RANBP2: variants seen among roughly 807,000 people sequenced by gnomAD.
RANBP2 encodes E3 SUMO-protein ligase RanBP2.
Under a neutral mutation model 303.6 loss-of-function variants are expected in RANBP2, and 57 were observed. That is an observed-to-expected ratio of 0.19 (90% CI 0.15 to 0.23). The LOEUF (loss-of-function observed/expected upper bound fraction) is 0.23. Ranked by LOEUF, RANBP2 falls within the 10% of genes least tolerant of loss-of-function variation. The probability of loss-of-function intolerance (pLI) is 1.00; values close to 1 mark genes in which losing one functional copy is unlikely to be tolerated. For missense variants in RANBP2, 3,138 were observed against 3,780.8 expected (o/e 0.83, Z 4.46); for synonymous variants, 1,167 against 1,301.5 (o/e 0.90, Z 2.23).
chr2:108,805,503 AT>A, the RANBP2 span, among the ~76,000 whole-genome samples: 1 of 151,960 alleles, frequency 6.6e-6, no homozygotes, highest in South Asian at 2.1e-4. Context: ...AGGTGGGCGG[AT>A]CACGAGGTCA....
At chr2:108,917,215 G>T in the RANBP2 span, among the ~76,000 whole-genome samples, 1 of 152,180 alleles carries the variant, frequency 6.6e-6, no homozygotes, top group African/African-American at 2.4e-5. Context: ...TAAAAGCAAC[G>T]CGCGGCTCGT....
At chr2:109,676,377 G>A in the RANBP2 span, among the ~76,000 whole-genome samples, 1 of 152,224 alleles carries the variant, frequency 6.6e-6, no homozygotes, top group African/African-American at 2.4e-5. Flanking sequence ...TTTGCAGAGT[G>A]CCCTGTAATT....
the RANBP2 span, among the ~76,000 whole-genome samples, chr2:109,427,574 C>T: frequency 2.0e-5 from 3 of 152,194 alleles, no homozygotes; most frequent in Non-Finnish European, 2.9e-5. Flanking sequence ...ACCACTGGCC[C>T]AGGTTCACAC....
chr2:109,484,330 G>T, the RANBP2 span, among the ~76,000 whole-genome samples: 1 of 152,238 alleles, frequency 6.6e-6, no homozygotes, highest in South Asian at 2.1e-4. Flanking sequence ...GCCTCCCAAA[G>T]TGCTGGGATT....
the RANBP2 span, among the ~76,000 whole-genome samples, chr2:109,725,158 T>A: frequency 6.6e-6 from 1 of 151,886 alleles, no homozygotes; most frequent in Admixed American, 6.6e-5. Flanking sequence ...TCAGAACACA[T>A]CCCAGGTGGG....
At chr2:109,214,830 CTG>C in the RANBP2 span, among the ~76,000 whole-genome samples, 5 of 152,182 alleles carry the variant, frequency 3.3e-5, no homozygotes, top group Non-Finnish European at 7.3e-5. Flanking sequence ...ATATTGGAGA[CTG>C]AGTTCCAAGG....
chr2:109,498,412 G>C, the RANBP2 span, among the ~76,000 whole-genome samples: 1 of 152,160 alleles, frequency 6.6e-6, no homozygotes, highest in African/African-American at 2.4e-5. Context: ...GTGCCCAGGG[G>C]CTGTGCACTC....
the RANBP2 span, among the ~76,000 whole-genome samples, chr2:109,014,632 G>T: frequency 6.6e-6 from 1 of 152,178 alleles, no homozygotes; most frequent in African/African-American, 2.4e-5. Context: ...TTCTGACCAG[G>T]TTTTCCCATG....
At chr2:109,613,134 A>G in the RANBP2 span, 28 of 1,279,096 alleles carry the variant, frequency 2.2e-5, no homozygotes, top group African/African-American at 3.2e-4. Context: ...GGAAAACTCG[A>G]TGTACACGAC....
the RANBP2 span, among the ~76,000 whole-genome samples, chr2:109,686,459 C>T: frequency 2.2e-4 from 33 of 152,084 alleles, no homozygotes; most frequent in Non-Finnish European, 3.4e-4. Flanking sequence ...GGATTACAGG[C>T]GCCCGCCACC....
At chr2:109,343,436 C>G in the RANBP2 span, among the ~76,000 whole-genome samples, 1 of 152,000 alleles carries the variant, frequency 6.6e-6, no homozygotes, top group South Asian at 2.1e-4. Context: ...TGGTTTTGCT[C>G]TGTCCAATCT....
intron 6 of RANBP2, among the ~76,000 whole-genome samples, chr2:108,739,832 A>G (rs826567): frequency 0.26 from 39,708 of 152,014 alleles, 5,584 homozygotes; most frequent in African/African-American, 0.36. Context: ...AGAAATATAA[A>G]AAAAGTTTAG....
At chr2:109,298,636 C>T in the RANBP2 span, among the ~76,000 whole-genome samples, 5 of 152,094 alleles carry the variant, frequency 3.3e-5, no homozygotes, top group Admixed American at 1.3e-4. Context: ...AAATGCTCCT[C>T]GGAGCACACC....
the RANBP2 span, among the ~76,000 whole-genome samples, chr2:109,514,671 G>A: frequency 6.6e-6 from 1 of 152,216 alleles, no homozygotes; most frequent in African/African-American, 2.4e-5. Flanking sequence ...TGTGGCTACA[G>A]CCTGGACTGG....
At chr2:109,288,818 A>G in the RANBP2 span, among the ~76,000 whole-genome samples, 1 of 151,938 alleles carries the variant, frequency 6.6e-6, no homozygotes, top group African/African-American at 2.4e-5. Flanking sequence ...TCACTTTCTT[A>G]TTTAGTAGCT....
At chr2:109,345,370 G>A in the RANBP2 span, among the ~76,000 whole-genome samples, 2 of 152,172 alleles carry the variant, frequency 1.3e-5, no homozygotes, top group Non-Finnish European at 2.9e-5. Context: ...CGAGCCGGCC[G>A]CAGAAGGGAG....
At chr2:109,053,523 G>T in the RANBP2 span, among the ~76,000 whole-genome samples, 1 of 152,214 alleles carries the variant, frequency 6.6e-6, no homozygotes, top group Non-Finnish European at 1.5e-5. Context: ...TGGAGCGCAA[G>T]TGGAGCCCTT....
At chr2:109,064,478 CA>C in the RANBP2 span, among the ~76,000 whole-genome samples, 5 of 83,726 alleles carry the variant, frequency 6.0e-5, no homozygotes, top group African/African-American at 1.2e-4. Context: ...AAAACAAAAA[CA>C]AACTGGTAAA....
chr2:109,699,157 G>A, the RANBP2 span, among the ~76,000 whole-genome samples: 3 of 152,152 alleles, frequency 2.0e-5, no homozygotes, highest in Non-Finnish European at 2.9e-5. Flanking sequence ...GCTCTCTGGC[G>A]ATTCTTTCTC....
Sources: allele counts gnomAD v4.1 joint callset (sites outside exome capture counted in the v4.1 genomes callset), GRCh38; gene constraint gnomAD v4.1.1; transcripts MANE v1.5; gene names NCBI Gene and HGNC (gene_info 2026-07-23, HGNC 2026-07-21).